ARMC6: variants seen among roughly 807,000 people sequenced by gnomAD.
The protein encoded by ARMC6 is armadillo repeat containing 6.
ARMC6 carries 43 observed loss-of-function variants against 49.2 expected under a neutral mutation model. The observed-to-expected ratio is 0.87, with a 90% CI of 0.69 to 1.13. The LOEUF (loss-of-function observed/expected upper bound fraction) is 1.13, where lower values mean the gene tolerates loss of function less well. Ranked by LOEUF, ARMC6 falls within the 50% of genes most tolerant of loss-of-function variation. ARMC6 has a pLI of 0.00. For synonymous variants in ARMC6, 262 were observed against 289.6 expected (o/e 0.90, Z 0.97); for missense variants, 627 against 682.0 (o/e 0.92, Z 0.90).
chr19:19,034,310 T>G, intron 2 of ARMC6, 72 bp downstream of exon 2: 1 of 1,544,894 alleles, frequency 6.5e-7, no homozygotes, highest in Non-Finnish European at 8.7e-7. Flanking sequence ...GAAGTGGTTT[T>G]GAAGGCTGTC....
intron 4 of ARMC6, among the ~76,000 whole-genome samples, chr19:19,051,287 GGTA>G (rs1413120252): frequency 6.6e-6 from 1 of 152,130 alleles, no homozygotes; most frequent in African/African-American, 2.4e-5. Context: ...CTTGATGGCA[GGTA>G]GGGCTGGAAT....
rs765833270 is a variant in ARMC6 at position 19,052,129 on chromosome 19, C to A, written c.787C>A (p.His263Asn). 4.3e-6 allele frequency: 7 copies of A among 1,613,748 alleles called. No homozygotes were observed. The East Asian group carries it at 1.6e-4, about 36-fold the overall frequency. ...DDIRVPFGHA[H>N]NHAKMIVQEN... ...CATCCGTGTGCCCTTTGGCCATGCC[C>A]ACAACCATGCCAAGATGATTGTGCA... The change falls in exon 5 of 9, where the codon CAC (histidine) becomes AAC (asparagine). Residue 263 changes from histidine (H) to asparagine (N), a missense_variant. Transcript: ENST00000535612.
At chr19:19,035,843 A>G (rs2145839738) in intron 2 of ARMC6, among the ~76,000 whole-genome samples, 1 of 152,342 alleles carries the variant, frequency 6.6e-6, no homozygotes, top group East Asian at 1.9e-4. Flanking sequence ...ACATGTACCC[A>G]AGGTGGTTGG....
In ARMC6 at chr19:19,057,486, T is replaced by C. The variant is rs780184112; in HGVS notation, c.1364T>C (p.Leu455Pro). 3 of 1,613,956 alleles carry C rather than the reference T, an allele frequency of 1.9e-6. No homozygotes were observed. The African/African-American group carries it at 4.0e-5, about 22-fold the overall frequency. The change falls in exon 9 of 9, where the codon CTG becomes CCG. Residue 455 changes from leucine (L) to proline (P), a missense_variant. Physicochemically the swap from Leu to Pro is moderately conservative, Grantham distance 98. Coordinates refer to ENST00000535612, the MANE Select transcript of ARMC6 (RefSeq NM_001199196.2). ...GQAFSKPILDLGAEALIMQAR... is the reference protein window; with the variant it reads ...GQAFSKPILDPGAEALIMQAR... ...GCCTTCTCGAAGCCCATCCTGGACCTGGGGGCTGAGGCACTCATCATGCAG... is the reference window on the plus strand; with the variant it reads ...GCCTTCTCGAAGCCCATCCTGGACCCGGGGGCTGAGGCACTCATCATGCAG...
At chr19:19,038,581 T>C (rs1421640650) in intron 2 of ARMC6, among the ~76,000 whole-genome samples, 2 of 152,154 alleles carry the variant, frequency 1.3e-5, no homozygotes, top group Non-Finnish European at 2.9e-5. Flanking sequence ...TGTTTGTTTA[T>C]TTATTTATTT....
rs773826617 is a variant in ARMC6, at chr19:19,051,644, CTG to C, written c.305_306del (p.Val102GlyfsTer49). On this transcript the variant is annotated frameshift_variant, in exon 5 of 9. Coordinates refer to ENST00000535612, the MANE Select transcript of ARMC6 (RefSeq NM_001199196.2). LOFTEE classifies it high-confidence loss of function. ...CAGATGCTCAGTGACCTCCAGGAGT[CTG>C]TGGCCAGCTCTCGCCCCCAGGAGGT... 17 of 1,606,240 alleles carry C rather than the reference CTG, an allele frequency of 1.1e-5. No homozygotes were observed. The Admixed American group carries it at 2.7e-4, about 25-fold the overall frequency.
chr19:19,044,901 G>A (rs2059436992), intron 4 of ARMC6, among the ~76,000 whole-genome samples: 3 of 152,174 alleles, frequency 2.0e-5, no homozygotes, highest in African/African-American at 7.2e-5. Flanking sequence ...TCCCTACCTC[G>A]GGGTCCTGCC....
At chr19:19,043,025 G>A (rs1033950405) in intron 3 of ARMC6, 148 bp downstream of exon 3, 50 of 989,782 alleles carry the variant, frequency 5.1e-5, no homozygotes, top group East Asian at 1.8e-4. Context: ...GCTTCTGCCC[G>A]AGGCAGGCTG....
At chr19:19,054,125 C>T (rs1293349130) in intron 5 of ARMC6, 27 bp from the exon 6 acceptor site, 2 of 1,498,278 alleles carry the variant, frequency 1.3e-6, no homozygotes, top group Non-Finnish European at 1.8e-6. Context: ...TTCCCGCCCC[C>T]ACCACCGTCT....
At chr19:19,046,089 A>G (rs1276407718) in intron 4 of ARMC6, among the ~76,000 whole-genome samples, 7 of 152,150 alleles carry the variant, frequency 4.6e-5, no homozygotes, top group African/African-American at 1.7e-4. Flanking sequence ...CAGAGCTGGT[A>G]CCCGGATCCA....
chr19:19,051,367 CTCTCTCTCTGTGTGTG>C lies in ARMC6; in HGVS notation c.280-253_280-238del, dbSNP rs1192426364. On this transcript the variant is annotated intron_variant, in intron 4 of 8. Coordinates refer to ENST00000535612, the MANE Select transcript of ARMC6 (RefSeq NM_001199196.2). ...GACACTGAGTTGTCTGGATCTCTCTCTCTCTCTCTGTGTGTGTGTGTGTGTGTGTGTGTGTGTGTGT... is the reference window on the plus strand; with the variant it reads ...GACACTGAGTTGTCTGGATCTCTCTCTGTGTGTGTGTGTGTGTGTGTGTGT... Among the ~76,000 whole-genome samples the C allele has an allele frequency of 2.4e-3, 316 of 132,246 alleles. 2 individuals carry two copies. The highest frequency in any genetic ancestry group is 0.01 in the African/African-American group (303 of 30,014). The allele number at this position is 132,246 out of a possible 152,430, so 86.8% of individuals were successfully genotyped here.
chr19:19,033,956 T>A (rs1358713743), intron 1 of ARMC6, 26 bp downstream of exon 1: 1 of 509,048 alleles, frequency 2.0e-6, no homozygotes, highest in Non-Finnish European at 3.5e-6. Flanking sequence ...TGCCGAGGCC[T>A]GTCCCGCGCG....
In ARMC6 at chr19:19,043,994, G is replaced by A. The variant is rs769435287; in HGVS notation, c.199G>A (p.Val67Ile). 1.9e-6 allele frequency: 3 copies of A among 1,613,998 alleles called. No homozygotes were observed. The Admixed American group carries it at 5.0e-5, about 27-fold the overall frequency. The change falls in exon 4 of 9, where the codon GTT (valine) becomes ATT (isoleucine). Residue 67 changes from valine to isoleucine, a missense_variant and splice_region_variant. Val to Ile is a conservative substitution (Grantham distance 29). Coordinates refer to ENST00000535612, the MANE Select transcript of ARMC6 (RefSeq NM_001199196.2). ...CTTGCTTCCCCCACCCCCAACAGGG[G>A]TTGATCTGAGCAACATTGTAAAGAC... ...EAVEQFESQGVDLSNIVKTAP... is the reference protein window; with the variant it reads ...EAVEQFESQGIDLSNIVKTAP...
chr19:19,055,772 C>T lies in ARMC6; in HGVS notation c.1156-19C>T, dbSNP rs2059538799. 4 of 1,542,992 alleles carry T rather than the reference C, an allele frequency of 2.6e-6. No individual in the cohort carries two copies. The highest frequency in any genetic ancestry group is 3.5e-6 in the Non-Finnish European group (4 of 1,134,392). On this transcript the variant is annotated intron_variant, in intron 7 of 8. Transcript: ENST00000535612. The surrounding 1 kb of genome is among the most constrained non-coding windows in gnomAD (Gnocchi z 5.7). ...GTCTATCTGCTGCATCTCAGCCTTT[C>T]TGTGACTGGCCCCTGCAGGTGTGTG... is the stretch of plus-strand genomic sequence containing the variant.
intron 6 of ARMC6, among the ~76,000 whole-genome samples, chr19:19,054,750 CA>C (rs1442525529): frequency 5.3e-5 from 8 of 152,204 alleles, no homozygotes; most frequent in Admixed American, 5.2e-4. Flanking sequence ...GGAAAGCCCC[CA>C]GGGGTGCCAC....
At chr19:19,045,654 A>ATTT (rs35182072) in intron 4 of ARMC6, among the ~76,000 whole-genome samples, 1 of 136,042 alleles carries the variant, frequency 7.4e-6, no homozygotes, top group South Asian at 2.4e-4. Flanking sequence ...TGCCCAGCTA[A>ATTT]TTTTTTTTTT....
In ARMC6 at chr19:19,042,950, C is replaced by T. The variant is rs1008091473; in HGVS notation, c.196+73C>T. 8.2e-5 allele frequency: 128 copies of T among 1,569,608 alleles called. 1 individual carries two copies. Among genetic ancestry groups the T allele is most frequent in the South Asian group, 5.6e-4 (49 of 86,856 alleles). On this transcript the variant is annotated intron_variant, in intron 3 of 8. Transcript: ENST00000535612. ...GAGCAGTGGGAGAGCCCTGCTGCCC[C>T]GCCCCACTGGGGGTGCCACATGCCT...
At chr19:19,053,202 A>G (rs2059513501) in intron 5 of ARMC6, among the ~76,000 whole-genome samples, 1 of 152,196 alleles carries the variant, frequency 6.6e-6, no homozygotes, top group African/African-American at 2.4e-5. Flanking sequence ...CTTAAAGGCA[A>G]CTGGGCTGGG....
chr19:19,056,547 C>T (rs1435106065), intron 8 of ARMC6, among the ~76,000 whole-genome samples: 1 of 152,188 alleles, frequency 6.6e-6, no homozygotes, highest in Non-Finnish European at 1.5e-5. Flanking sequence ...CAGGTGTGAG[C>T]CACCGCACCC....
Sources: gnomAD v4.1 joint callset for allele counts (sites outside exome capture counted in the v4.1 genomes callset) on GRCh38, gnomAD v4.1.1 for gene constraint, Gnocchi (gnomAD v3.1) non-coding constraint, MANE v1.5 for transcripts, NCBI Gene and HGNC (gene_info 2026-07-23, HGNC 2026-07-21) for gene names.